Variants in SLIT1 observed in about 807,000 individuals in gnomAD.
SLIT1 encodes the protein slit homolog 1 protein.
A neutral mutation model predicts 186.1 loss-of-function variants in SLIT1; 66 were observed. The ratio of observed to expected loss-of-function variants is 0.35; its 90% confidence interval spans 0.29 to 0.44. SLIT1 has a LOEUF of 0.44. SLIT1 is among the 20% of genes least tolerant of loss of function. The pLI is 1.00. For synonymous variants in SLIT1, 761 were observed against 833.8 expected, an observed-to-expected ratio of 0.91 and a Z score of 1.50; for missense variants, 1,638 against 2,037.4, an observed-to-expected ratio of 0.80 and a Z score of 3.77.
rs772538060 is a variant in SLIT1, at chr10:97,185,570, G to A, written c.105C>T (p.Pro35=). The change falls in exon 1 of 37, where the codon CCC becomes CCT. Residue 35 remains proline, a synonymous_variant. Coordinates refer to ENST00000266058, the MANE Select transcript of SLIT1 (RefSeq NM_003061.3). ...TGGTTCCGGTGCAGGTGCAGAGGGC[G>A]GGGCACGCCGAGGCACCCAGGCGCC... The part of the protein sequence containing the change: ...AAWRLGASAC[P]ALCTCTGTTV... 1 of 1,608,220 alleles carries A rather than the reference G, an allele frequency of 6.2e-7. No homozygotes were observed. Among genetic ancestry groups the A allele is most frequent in the Non-Finnish European group, 8.5e-7 (1 of 1,178,144 alleles).
At chr10:97,130,874 T>C (rs1195549323) in intron 4 of SLIT1, among the ~76,000 whole-genome samples, 1 of 152,212 alleles carries the variant, frequency 6.6e-6, no homozygotes, top group East Asian at 1.9e-4. Flanking sequence ...GGTCTGAATG[T>C]CTGCGAACAT....
chr10:97,043,651 C>G lies in SLIT1; in HGVS notation c.1854-138G>C. Reference sequence around the variant, plus strand: ...CGAGCCGCAGAGCCAGGAACACGCACCAGCCAGGCCCCGGCCAGGTGAGGC... The same window carrying G: ...CGAGCCGCAGAGCCAGGAACACGCAGCAGCCAGGCCCCGGCCAGGTGAGGC... On this transcript the variant is annotated intron_variant, in intron 18 of 36. Coordinates refer to ENST00000266058, the MANE Select transcript of SLIT1 (RefSeq NM_003061.3). The surrounding 1 kb of genome is among the most constrained non-coding windows in gnomAD (Gnocchi z 7.0). 3 of 837,266 alleles carry G rather than the reference C, an allele frequency of 3.6e-6. No individual in the cohort carries two copies. The highest frequency in any genetic ancestry group is 5.6e-6 in the Non-Finnish European group (3 of 536,612). The allele number at this position is 837,266 out of a possible 1,614,324, so 51.9% of individuals were successfully genotyped here.
chr10:97,055,184 T>C (rs904183629), intron 13 of SLIT1, among the ~76,000 whole-genome samples: 8 of 152,142 alleles, frequency 5.3e-5, no homozygotes, highest in African/African-American at 1.9e-4. Flanking sequence ...GCCATTGCAC[T>C]CCAGCCTAGG....
At chr10:97,134,625 G>A (rs1849684787) in intron 4 of SLIT1, among the ~76,000 whole-genome samples, 1 of 152,064 alleles carries the variant, frequency 6.6e-6, no homozygotes, top group South Asian at 2.1e-4. Context: ...GCCCATCCCT[G>A]GCTCTCCTCT....
chr10:97,173,392 G>A (rs994087429), intron 1 of SLIT1, among the ~76,000 whole-genome samples: 1 of 152,158 alleles, frequency 6.6e-6, no homozygotes, highest in Non-Finnish European at 1.5e-5. Flanking sequence ...GAGCCTACAG[G>A]TTGAGTGGCA....
At chr10:97,007,330 A>G (rs919651949) in intron 31 of SLIT1, among the ~76,000 whole-genome samples, 1 of 152,216 alleles carries the variant, frequency 6.6e-6, no homozygotes, top group African/African-American at 2.4e-5. Flanking sequence ...TCCCAGGCCC[A>G]GATGGTTTAA....
chr10:97,033,504 C>T (rs975383708), intron 23 of SLIT1, among the ~76,000 whole-genome samples: 1 of 152,162 alleles, frequency 6.6e-6, no homozygotes, highest in African/African-American at 2.4e-5. Context: ...TGGAAACAAC[C>T]TCAATATCCA....
At chr10:97,060,062 C>G in intron 10 of SLIT1, 25 bp downstream of exon 10, 1 of 1,590,746 alleles carries the variant, frequency 6.3e-7, no homozygotes, top group South Asian at 1.1e-5. Flanking sequence ...TACCAGCTCC[C>G]CAGGAAGCAG....
At chr10:97,041,777 T>G (rs1165789366) in intron 20 of SLIT1, among the ~76,000 whole-genome samples, 1 of 152,120 alleles carries the variant, frequency 6.6e-6, no homozygotes, top group Non-Finnish European at 1.5e-5. Flanking sequence ...GGCCTGTCAG[T>G]AACTTTTTTA....
intron 1 of SLIT1, among the ~76,000 whole-genome samples, chr10:97,179,531 C>G (rs1850302058): frequency 6.6e-6 from 1 of 152,228 alleles, no homozygotes. Context: ...TGTCTAAGAT[C>G]TCTCGGTAGG....
At chr10:97,061,356 G>GA (rs1027959071) in intron 8 of SLIT1, among the ~76,000 whole-genome samples, 22 of 152,204 alleles carry the variant, frequency 1.4e-4, no homozygotes, top group African/African-American at 5.3e-4. Context: ...AAGAGCCTTT[G>GA]AAAAAATGGA....
intron 4 of SLIT1, among the ~76,000 whole-genome samples, chr10:97,115,453 T>C (rs2134682971): frequency 6.6e-6 from 1 of 152,266 alleles, no homozygotes; most frequent in East Asian, 1.9e-4. Flanking sequence ...CACTGACCCC[T>C]CACAGGTCCG....
chr10:97,157,787 G>C (rs745499381), intron 4 of SLIT1, 31 bp downstream of exon 4: 7 of 1,569,284 alleles, frequency 4.5e-6, no homozygotes, highest in East Asian at 2.2e-5. Flanking sequence ...AAACCACAGG[G>C]AGAACTCTCT....
chr10:97,089,584 G>A (rs2817687), intron 4 of SLIT1, among the ~76,000 whole-genome samples: 83,569 of 152,074 alleles, frequency 0.55, 24,911 homozygotes, highest in East Asian at 0.82. Context: ...ATCCCAGGCA[G>A]AGGTGGGAAT....
chr10:97,144,518 C>G (rs1481010913), intron 4 of SLIT1, among the ~76,000 whole-genome samples: 1 of 152,148 alleles, frequency 6.6e-6, no homozygotes. Flanking sequence ...AGCTCTCAGG[C>G]GGCAGGCTAA....
At chr10:97,089,127 G>T (rs1849200986) in intron 4 of SLIT1, among the ~76,000 whole-genome samples, 1 of 152,236 alleles carries the variant, frequency 6.6e-6, no homozygotes, top group South Asian at 2.1e-4. Flanking sequence ...GCATCTGGGG[G>T]AAAGGCAAGG....
intron 20 of SLIT1, among the ~76,000 whole-genome samples, chr10:97,042,079 A>G (rs1848695142): frequency 6.6e-6 from 1 of 152,166 alleles, no homozygotes; most frequent in Non-Finnish European, 1.5e-5. Context: ...TAGAGAATTC[A>G]TTAATTTTGT....
At chr10:97,104,752 C>T (rs1464712980) in intron 4 of SLIT1, among the ~76,000 whole-genome samples, 1 of 152,172 alleles carries the variant, frequency 6.6e-6, no homozygotes, top group East Asian at 1.9e-4. Flanking sequence ...CCTCTCAGCA[C>T]CTCCTGAAGT....
chr10:97,093,524 T>C (rs1849255049), intron 4 of SLIT1, among the ~76,000 whole-genome samples: 1 of 152,202 alleles, frequency 6.6e-6, no homozygotes, highest in African/African-American at 2.4e-5. Flanking sequence ...CCATATGAGA[T>C]GGCTGGAGCT....
Sources: allele counts gnomAD v4.1 joint callset (sites outside exome capture counted in the v4.1 genomes callset), GRCh38; gene constraint gnomAD v4.1.1; non-coding constraint Gnocchi (gnomAD v3.1); transcripts MANE v1.5; gene names NCBI Gene and HGNC (gene_info 2026-07-23, HGNC 2026-07-21).